GRM7: variants seen among roughly 807,000 people sequenced by gnomAD.
GRM7 encodes the protein glutamate metabotropic receptor 7, also known as metabotropic glutamate receptor 7.
GRM7 carries 35 observed loss-of-function variants against 84.5 expected under a neutral mutation model. The observed-to-expected ratio is 0.41, with a 90% CI of 0.32 to 0.55. The LOEUF (loss-of-function observed/expected upper bound fraction) is 0.55. Among genes scored for constraint, GRM7 ranks in the 20% least tolerant of loss-of-function variants. The pLI, the probability that GRM7 is intolerant of heterozygous loss-of-function variation, is 0.19. For synonymous variants in GRM7, 487 were observed against 455.1 expected (o/e 1.07, Z -0.89); for missense variants, 1,003 against 1,194.6 (o/e 0.84, Z 2.36).
intron 1 of GRM7, among the ~76,000 whole-genome samples, chr3:6,909,310 C>T (rs1696687140): frequency 6.6e-6 from 1 of 152,094 alleles, no homozygotes; most frequent in African/African-American, 2.4e-5. Context: ...AATAGTAAAA[C>T]TGTCCAACTC....
chr3:7,473,489 G>GGGGAGA lies in GRM7; in HGVS notation c.1515+11768_1515+11769insGGAGAG, dbSNP rs1553603707. ...AGACTCTGTCTCTTAAAAACGAGAG[G>GGGGAGA]GAGAGAGAGAGAGAGAGAGAGAGAG... is the stretch of plus-strand genomic sequence containing the variant. On this transcript the variant is annotated intron_variant, in intron 7 of 9. Coordinates refer to ENST00000357716, the MANE Select transcript of GRM7 (RefSeq NM_000844.4). Among the ~76,000 whole-genome samples the GGGGAGA allele has an allele frequency of 1.5e-4, 19 of 126,502 alleles. No homozygotes were observed. The South Asian group carries it at 1.9e-3, about 13-fold the overall frequency. The allele number at this position is 126,502 out of a possible 152,430, so 83.0% of individuals were successfully genotyped here. A position where few individuals can be genotyped will look rare whatever the true frequency, so the allele number is the denominator to read the frequency against.
chr3:7,675,182 C>A (rs554908103), intron 8 of GRM7, among the ~76,000 whole-genome samples: 3 of 152,236 alleles, frequency 2.0e-5, no homozygotes, highest in East Asian at 1.9e-4. Flanking sequence ...TTGGGTTTTT[C>A]CTGATAGTTC....
rs1321705679 is a variant in GRM7, at chr3:6,877,842, CACACACACACAT to C, written c.519+15937_519+15948del. On this transcript the variant is annotated intron_variant, in intron 1 of 9. Transcript: ENST00000357716. ...ACACACACACACACACACACACACA[CACACACACACAT>C]ATGACTTCTGCTAGTAAATTACAAA... Among the ~76,000 whole-genome samples, 626 of 144,392 alleles carry C rather than the reference CACACACACACAT, an allele frequency of 4.3e-3. 7 individuals are homozygous for C. The highest frequency in any genetic ancestry group is 0.015 in the African/African-American group (585 of 39,146). The allele number at this position is 144,392 out of a possible 152,430, so 94.7% of individuals were successfully genotyped here. A position where few individuals can be genotyped will look rare whatever the true frequency, so the allele number is the denominator to read the frequency against.
intron 8 of GRM7, among the ~76,000 whole-genome samples, chr3:7,632,243 A>G (rs6443117): frequency 0.73 from 110,401 of 152,016 alleles, 40,680 homozygotes; most frequent in African/African-American, 0.84. Flanking sequence ...AGAAAGATAC[A>G]TGACTTGATT....
chr3:7,737,399 G>A (rs1702540508), intron 9 of GRM7, among the ~76,000 whole-genome samples: 2 of 152,050 alleles, frequency 1.3e-5, no homozygotes, highest in Non-Finnish European at 2.9e-5. Flanking sequence ...TTTAAAATCT[G>A]TAACTTTATA....
intron 7 of GRM7, among the ~76,000 whole-genome samples, chr3:7,476,577 G>C (rs893469943): frequency 1.3e-4 from 19 of 151,972 alleles, no homozygotes; most frequent in African/African-American, 4.4e-4. Context: ...AAAAAGAAAA[G>C]TGACTAGGAC....
chr3:7,596,273 G>T (rs1376942120), intron 8 of GRM7, among the ~76,000 whole-genome samples: 2 of 152,148 alleles, frequency 1.3e-5, no homozygotes, highest in Non-Finnish European at 2.9e-5. Context: ...GAGAGGGAAG[G>T]TTGGCAGGAA....
chr3:6,952,712 T>G (rs1312013443), intron 1 of GRM7, among the ~76,000 whole-genome samples: 1 of 152,208 alleles, frequency 6.6e-6, no homozygotes, highest in Non-Finnish European at 1.5e-5. Context: ...ATTGTTTTGC[T>G]TTTTGTTTTG....
intron 1 of GRM7, among the ~76,000 whole-genome samples, chr3:6,992,315 T>C (rs923410339): frequency 3.3e-5 from 5 of 152,184 alleles, no homozygotes; most frequent in Admixed American, 2.6e-4. Context: ...TAAAGATAAA[T>C]ATTTAACCTG....
chr3:7,444,983 G>C (rs1029487272), intron 5 of GRM7, among the ~76,000 whole-genome samples: 1 of 152,148 alleles, frequency 6.6e-6, no homozygotes, highest in African/African-American at 2.4e-5. Context: ...GGTCATTTAA[G>C]CTGGACGATC....
rs139980832 is a variant in GRM7 at position 7,379,116 on chromosome 3, G to A, written c.1034-35907G>A. Among the ~76,000 whole-genome samples the A allele has an allele frequency of 3.5e-3, 531 of 152,046 alleles. 5 individuals are homozygous for A. Among genetic ancestry groups the A allele is most frequent in the South Asian group, 0.019 (91 of 4,810 alleles). On this transcript the variant is annotated intron_variant, in intron 4 of 9. Transcript: ENST00000357716. ...AAGATGGAGTCTCGCTCTGTTGCTC[G>A]GGCTGGAGTGCAGTGGCGTGATGTT... is the stretch of plus-strand genomic sequence containing the variant.
intron 1 of GRM7, among the ~76,000 whole-genome samples, chr3:6,902,880 CA>C (rs1696441275): frequency 1.3e-5 from 2 of 151,648 alleles, no homozygotes; most frequent in East Asian, 1.9e-4. Context: ...CACACACACA[CA>C]CCCCTACTCT....
chr3:7,181,259 C>A (rs1695328616), intron 2 of GRM7, among the ~76,000 whole-genome samples: 1 of 152,122 alleles, frequency 6.6e-6, no homozygotes, highest in African/African-American at 2.4e-5. Flanking sequence ...AATGCCATAT[C>A]TTCCATACTA....
chr3:7,264,547 C>T (rs1208194253), intron 2 of GRM7, among the ~76,000 whole-genome samples: 4 of 78 alleles, frequency 0.051, no homozygotes, highest in Non-Finnish European at 0.12. Context: ...CATGGTAGCC[C>T]CATGCAGGAG....
chr3:7,004,050 T>C (rs1046102177), intron 1 of GRM7, among the ~76,000 whole-genome samples: 1 of 152,196 alleles, frequency 6.6e-6, no homozygotes, highest in African/African-American at 2.4e-5. Context: ...TTTTGCATAA[T>C]GGCTGCTGGC....
intron 1 of GRM7, among the ~76,000 whole-genome samples, chr3:7,138,384 A>G (rs958213366): frequency 1.3e-5 from 2 of 152,020 alleles, no homozygotes; most frequent in Non-Finnish European, 2.9e-5. Flanking sequence ...ATCAGAAGAA[A>G]ATGTTTTTGT....
chr3:7,468,299 G>T (rs748390981), intron 7 of GRM7, among the ~76,000 whole-genome samples: 6 of 152,048 alleles, frequency 3.9e-5, no homozygotes, highest in Non-Finnish European at 7.4e-5. Flanking sequence ...CCACCTTTCT[G>T]CCCATCATAA....
intron 8 of GRM7, among the ~76,000 whole-genome samples, chr3:7,613,467 C>A (rs1299291952): frequency 6.6e-6 from 1 of 152,144 alleles, no homozygotes. Context: ...TGGCATTATT[C>A]ATCCCTGACG....
At chr3:6,942,829 A>G (rs895017028) in intron 1 of GRM7, among the ~76,000 whole-genome samples, 3 of 152,146 alleles carry the variant, frequency 2.0e-5, no homozygotes, top group African/African-American at 7.2e-5. Flanking sequence ...GTACCAGTTT[A>G]CATTTCCATA....
Sources: allele counts gnomAD v4.1 joint callset (sites outside exome capture counted in the v4.1 genomes callset), GRCh38; gene constraint gnomAD v4.1.1; transcripts MANE v1.5; gene names NCBI Gene and HGNC (gene_info 2026-07-23, HGNC 2026-07-21).